Variants in ACAT1 observed in about 807,000 individuals in gnomAD.
ACAT1 encodes the protein acetyl-CoA acetyltransferase 1.
Under a neutral mutation model 47.3 loss-of-function variants are expected in ACAT1, and 28 were observed. That is an observed-to-expected ratio of 0.59 (90% confidence interval 0.44 to 0.81). The LOEUF (loss-of-function observed/expected upper bound fraction) is 0.81, where lower values mean the gene tolerates loss of function less well. Ranked by LOEUF, ACAT1 falls within the 30% of genes least tolerant of loss-of-function variation. The probability of loss-of-function intolerance (pLI) is 0.00; values close to 1 mark genes in which losing one functional copy is unlikely to be tolerated. For synonymous variants in ACAT1, 181 were observed against 173.6 expected (o/e 1.04, Z -0.34); for missense variants, 469 against 524.3 (o/e 0.89, Z 1.03).
At chr11:108,140,707 A>AG (rs1399433059) in intron 7 of ACAT1, among the ~76,000 whole-genome samples, 1 of 152,246 alleles carries the variant, frequency 6.6e-6, no homozygotes, top group Non-Finnish European at 1.5e-5. Context: ...GTTCTCAAAA[A>AG]GGAGAGACTT....
At chr11:108,144,162 T>C in intron 10 of ACAT1, 115 bp downstream of exon 10, 5 of 1,202,670 alleles carry the variant, frequency 4.2e-6, no homozygotes. Flanking sequence ...GATAGCTTGG[T>C]TTCAAATCTT....
At chr11:108,144,512 G>A (rs2077662615) in intron 10 of ACAT1, among the ~76,000 whole-genome samples, 1 of 152,278 alleles carries the variant, frequency 6.6e-6, no homozygotes, top group South Asian at 2.1e-4. Context: ...GGCTATCCAA[G>A]TCTCAGTGGG....
intron 1 of ACAT1, among the ~76,000 whole-genome samples, chr11:108,126,060 C>A (rs1251553980): frequency 6.6e-6 from 1 of 151,996 alleles, no homozygotes; most frequent in Non-Finnish European, 1.5e-5. Flanking sequence ...TAGAGGGCAG[C>A]GGCGCGATCT....
At chr11:108,128,178 A>G (rs2077287856) in intron 1 of ACAT1, among the ~76,000 whole-genome samples, 1 of 152,258 alleles carries the variant, frequency 6.6e-6, no homozygotes, top group South Asian at 2.1e-4. Context: ...CAGAACCAAC[A>G]GTGGTAAACT....
chr11:108,140,317 C>G (rs1265129049), intron 7 of ACAT1, 102 bp downstream of exon 7: 1 of 1,374,960 alleles, frequency 7.3e-7, no homozygotes, highest in African/African-American at 1.4e-5. Context: ...ATTTCAACTG[C>G]TTATGGTTAA....
intron 4 of ACAT1, 31 bp from the exon 5 acceptor site, chr11:108,135,111 G>A (rs1461588355): frequency 6.5e-7 from 1 of 1,527,934 alleles, no homozygotes; most frequent in East Asian, 2.3e-5. Context: ...TTGAGTATCG[G>A]TTTTTCAAAA....
intron 10 of ACAT1, among the ~76,000 whole-genome samples, chr11:108,145,068 A>G (rs1416524664): frequency 1.3e-5 from 2 of 152,182 alleles, no homozygotes; most frequent in Non-Finnish European, 2.9e-5. Context: ...GCTCACAACA[A>G]TCAAATTTCT....
chr11:108,140,726 G>A (rs924584006), intron 7 of ACAT1, among the ~76,000 whole-genome samples: 1 of 152,202 alleles, frequency 6.6e-6, no homozygotes, highest in Non-Finnish European at 1.5e-5. Context: ...TTTCTCACCA[G>A]TTCCAGCAGA....
At chr11:108,138,657 A>G (rs1429157569) in intron 5 of ACAT1, 1 of 480,264 alleles carries the variant, frequency 2.1e-6, no homozygotes. Context: ...TCAGCCTTCT[A>G]AAGTGCTGGG....
intron 1 of ACAT1, 30 bp downstream of exon 1, chr11:108,121,708 G>C: frequency 1.9e-6 from 3 of 1,545,216 alleles, no homozygotes; most frequent in Non-Finnish European, 2.6e-6. Context: ...ACAGCACTCA[G>C]ACCCGGGATG....
In ACAT1 at chr11:108,138,884, G is replaced by T; in HGVS notation, c.436-14G>T. On this transcript the variant is annotated splice_polypyrimidine_tract_variant and intron_variant, in intron 5 of 11. Transcript: ENST00000265838. ...TTTGTATTAACATTGGGTTTTTCTGGTGTTTCTGCGCAGGATGTGATGGTG... is the reference window on the plus strand; with the variant it reads ...TTTGTATTAACATTGGGTTTTTCTGTTGTTTCTGCGCAGGATGTGATGGTG... 1 of 1,614,170 alleles carries T rather than the reference G, an allele frequency of 6.2e-7. No individual in the cohort carries two copies. The highest frequency in any genetic ancestry group is 8.5e-7 in the Non-Finnish European group (1 of 1,180,030).
chr11:108,119,563 T>A (rs1398409008), upstream of ACAT1, among the ~76,000 whole-genome samples: 1 of 152,192 alleles, frequency 6.6e-6, no homozygotes, highest in Non-Finnish European at 1.5e-5. Flanking sequence ...TCACAACTGG[T>A]AATCTCTATG....
At chr11:108,121,956 G>C (rs1211203168) in intron 1 of ACAT1, 2 of 529,268 alleles carry the variant, frequency 3.8e-6, no homozygotes, top group African/African-American at 3.9e-5. Flanking sequence ...GTGTCTGGGC[G>C]GGCAGGACCG....
chr11:108,147,421 A>G lies in ACAT1; in HGVS notation c.*31A>G. Reference sequence around the variant, plus strand: ...CTCTGCTATTTAAGGAGACAACCCTATGTGACCAGAAGGCCTGCTGTAATC... The same window carrying G: ...CTCTGCTATTTAAGGAGACAACCCTGTGTGACCAGAAGGCCTGCTGTAATC... On this transcript the variant is annotated 3_prime_UTR_variant, in exon 12 of 12. Coordinates refer to ENST00000265838, the MANE Select transcript of ACAT1 (RefSeq NM_000019.4). The G allele has an allele frequency of 3.1e-6, 5 of 1,611,772 alleles. No homozygotes were observed. In the African/African-American group the frequency reaches 6.7e-5, roughly 21 times the overall value.
At chr11:108,140,021 A>G (rs2077555125) in intron 6 of ACAT1, 44 bp from the exon 7 acceptor site, 1 of 1,581,344 alleles carries the variant, frequency 6.3e-7, no homozygotes, top group Non-Finnish European at 8.6e-7. Flanking sequence ...GATATTTTCT[A>G]AATTATGCAA....
intron 11 of ACAT1, among the ~76,000 whole-genome samples, chr11:108,146,640 A>G (rs1295397176): frequency 1.3e-5 from 2 of 152,186 alleles, no homozygotes; most frequent in East Asian, 3.9e-4. Flanking sequence ...GCTTTAGGGT[A>G]CCGTGGGTTT....
chr11:108,116,802 C>T (rs1436862428), upstream of ACAT1, among the ~76,000 whole-genome samples: 1 of 152,152 alleles, frequency 6.6e-6, no homozygotes, highest in African/African-American at 2.4e-5. Context: ...CCAACAACCA[C>T]CACGATCTTG....
At chr11:108,121,815 T>G (rs2135284573) in intron 1 of ACAT1, 137 bp downstream of exon 1, 1 of 987,414 alleles carries the variant, frequency 1.0e-6, no homozygotes, top group Non-Finnish European at 1.5e-6. Flanking sequence ...ACGCGACGGG[T>G]TCTGGTCCAA....
intron 1 of ACAT1, chr11:108,128,652 A>G (rs2077295982): frequency 6.6e-6 from 1 of 152,200 alleles, no homozygotes. Flanking sequence ...GGTGGGGGGA[A>G]TCAGATCCTG....
Sources: gnomAD v4.1 joint callset for allele counts (sites outside exome capture counted in the v4.1 genomes callset) on GRCh38, gnomAD v4.1.1 for gene constraint, MANE v1.5 for transcripts, NCBI Gene and HGNC (gene_info 2026-07-23, HGNC 2026-07-21) for gene names.